ACAP2: variants seen among roughly 807,000 people sequenced by gnomAD.
The protein encoded by ACAP2 is arf-GAP with coiled-coil, ANK repeat and PH domain-containing protein 2.
In ACAP2, 39 loss-of-function variants were observed where a neutral mutation model predicts 115.8. That is an observed-to-expected ratio of 0.34 (90% CI 0.26 to 0.44). ACAP2 has a LOEUF of 0.44. Ranked by LOEUF, ACAP2 falls within the 20% of genes least tolerant of loss-of-function variation. The pLI, the probability that ACAP2 is intolerant of heterozygous loss-of-function variation, is 1.00. For synonymous variants in ACAP2, 289 were observed against 315.8 expected (o/e 0.92, Z 0.90); for missense variants, 662 against 927.6 (o/e 0.71, Z 3.72).
intron 5 of ACAP2, among the ~76,000 whole-genome samples, chr3:195,342,869 G>A (rs1371651985): frequency 6.6e-6 from 1 of 151,928 alleles, no homozygotes; most frequent in Non-Finnish European, 1.5e-5. Flanking sequence ...GGTGGCATGT[G>A]CCTGTAGTCC....
At chr3:195,402,660 A>G (rs530971594) in intron 1 of ACAP2, among the ~76,000 whole-genome samples, 1 of 152,294 alleles carries the variant, frequency 6.6e-6, no homozygotes, top group South Asian at 2.1e-4. Context: ...CTCTACCACG[A>G]GCACAAAATT....
intron 1 of ACAP2, among the ~76,000 whole-genome samples, chr3:195,426,266 T>C (rs886682462): frequency 6.6e-6 from 1 of 152,100 alleles, no homozygotes; most frequent in African/African-American, 2.4e-5. Flanking sequence ...TATCCACCCT[T>C]TCCTACCCAT....
At chr3:195,330,481 A>G (rs746114908) in intron 8 of ACAP2, among the ~76,000 whole-genome samples, 1 of 152,334 alleles carries the variant, frequency 6.6e-6, no homozygotes, top group African/African-American at 2.4e-5. Context: ...GTCAACTGCA[A>G]TTCAACTCAT....
chr3:195,311,589 T>C (rs1029972023), intron 10 of ACAP2, among the ~76,000 whole-genome samples: 3 of 152,354 alleles, frequency 2.0e-5, no homozygotes, highest in African/African-American at 7.2e-5. Flanking sequence ...CAGGTTGGAG[T>C]GCAATGGCAC....
At chr3:195,439,506 G>A (rs1462580026) in intron 1 of ACAP2, among the ~76,000 whole-genome samples, 3 of 151,982 alleles carry the variant, frequency 2.0e-5, no homozygotes, top group Non-Finnish European at 4.4e-5. Context: ...GAACACTGCT[G>A]ACAAAAATCT....
intron 4 of ACAP2, among the ~76,000 whole-genome samples, chr3:195,345,648 C>T (rs1488919339): frequency 2.0e-5 from 3 of 152,180 alleles, no homozygotes; most frequent in Non-Finnish European, 4.4e-5. Flanking sequence ...ACAAATTCCA[C>T]TCCATACATT....
chr3:195,307,494 A>C (rs992240944), intron 11 of ACAP2, among the ~76,000 whole-genome samples, 171 bp from the exon 12 acceptor site: 1 of 152,234 alleles, frequency 6.6e-6, no homozygotes, highest in Non-Finnish European at 1.5e-5. Context: ...TGTCCTGTTA[A>C]TAACTGTATC....
At chr3:195,328,412 A>C (rs1729944485) in intron 8 of ACAP2, among the ~76,000 whole-genome samples, 1 of 152,228 alleles carries the variant, frequency 6.6e-6, no homozygotes, top group Admixed American at 6.5e-5. Context: ...ATAGTAATAA[A>C]GATTAACCAA....
intron 5 of ACAP2, among the ~76,000 whole-genome samples, chr3:195,343,886 A>C (rs2108652567): frequency 6.6e-6 from 1 of 152,362 alleles, no homozygotes; most frequent in South Asian, 2.1e-4. Context: ...TTATGTGTGC[A>C]TTCTATGAAG....
intron 9 of ACAP2, among the ~76,000 whole-genome samples, chr3:195,325,883 G>C (rs1257926220): frequency 1.3e-5 from 2 of 152,112 alleles, no homozygotes; most frequent in South Asian, 4.1e-4. Context: ...TAATCTAACT[G>C]TAAACGAAAC....
At chr3:195,422,331 T>C (rs188968726) in intron 1 of ACAP2, among the ~76,000 whole-genome samples, 3,908 of 152,194 alleles carry the variant, frequency 0.026, 139 homozygotes, top group African/African-American at 0.084. Context: ...CACATAATAA[T>C]AACAAAAAAT....
intron 1 of ACAP2, among the ~76,000 whole-genome samples, chr3:195,424,253 GTGTGTGTGTA>G (rs1217257945): frequency 6.2e-5 from 5 of 80,030 alleles, no homozygotes; most frequent in Non-Finnish European, 1.2e-4. Context: ...TGGTGTGTGT[GTGTGTGTGTA>G]TATATATATA....
chr3:195,390,415 CTT>C (rs1333625653), intron 2 of ACAP2, among the ~76,000 whole-genome samples: 4 of 152,106 alleles, frequency 2.6e-5, no homozygotes, highest in South Asian at 2.1e-4. Context: ...ACAAAAATAA[CTT>C]ATCTCTAAAC....
chr3:195,440,540 A>G (rs892314050), intron 1 of ACAP2, among the ~76,000 whole-genome samples: 1 of 152,216 alleles, frequency 6.6e-6, no homozygotes, highest in Non-Finnish European at 1.5e-5. Context: ...AGACAGCCCA[A>G]TAGATCAGGA....
intron 2 of ACAP2, among the ~76,000 whole-genome samples, chr3:195,383,073 T>A (rs1734056718): frequency 6.6e-6 from 1 of 151,880 alleles, no homozygotes. Flanking sequence ...AGAGGAAGCA[T>A]TATTATATGA....
intron 10 of ACAP2, among the ~76,000 whole-genome samples, chr3:195,309,165 G>A (rs1728599314): frequency 1.3e-5 from 2 of 152,124 alleles, no homozygotes; most frequent in African/African-American, 4.8e-5. Context: ...AGCTTTTGAG[G>A]TTCCTCAAAA....
intron 22 of ACAP2, chr3:195,279,929 G>A (rs1282125612): frequency 6.6e-6 from 1 of 152,202 alleles, no homozygotes; most frequent in African/African-American, 2.4e-5. Context: ...TTAATTAAAA[G>A]CAATTTGAAA....
intron 4 of ACAP2, among the ~76,000 whole-genome samples, chr3:195,348,171 A>C (rs887235607): frequency 6.6e-6 from 1 of 152,158 alleles, no homozygotes; most frequent in African/African-American, 2.4e-5. Context: ...GGATAAATGA[A>C]TAGATATGTG....
chr3:195,389,044 TAA>T (rs769670440), intron 2 of ACAP2, among the ~76,000 whole-genome samples: 1 of 135,506 alleles, frequency 7.4e-6, no homozygotes, highest in African/African-American at 2.7e-5. Context: ...AATTAAAAAT[TAA>T]AAAAAAAAAA....
Sources: allele counts gnomAD v4.1 joint callset (sites outside exome capture counted in the v4.1 genomes callset), GRCh38; gene constraint gnomAD v4.1.1; transcripts MANE v1.5; gene names NCBI Gene and HGNC (gene_info 2026-07-23, HGNC 2026-07-21).